Variants in THSD7A observed in about 807,000 individuals in gnomAD.
THSD7A encodes the protein thrombospondin type 1 domain containing 7A.
THSD7A carries 96 observed loss-of-function variants against 231.3 expected under a neutral mutation model. That is an observed-to-expected ratio of 0.41 (90% CI 0.35 to 0.49). The LOEUF (loss-of-function observed/expected upper bound fraction) is 0.49, where lower values mean the gene tolerates loss of function less well. Among genes scored for constraint, THSD7A ranks in the 20% least tolerant of loss-of-function variants. The pLI, the probability that THSD7A is intolerant of heterozygous loss-of-function variation, is 0.05. For synonymous variants in THSD7A, 940 were observed against 743.3 expected, an observed-to-expected ratio of 1.26 and a Z score of -4.30; for missense variants, 2,290 against 2,070.2, an observed-to-expected ratio of 1.11 and a Z score of -2.06.
intron 16 of THSD7A, among the ~76,000 whole-genome samples, chr7:11,423,943 C>G (rs1192666167): frequency 6.6e-6 from 1 of 152,014 alleles, no homozygotes; most frequent in East Asian, 1.9e-4. Flanking sequence ...TATGTGGGGT[C>G]TCTGTTTTAA....
rs565098352 is a variant in THSD7A at position 11,536,365 on chromosome 7, T to C, written c.1822+5054A>G. On this transcript the variant is annotated intron_variant, in intron 6 of 27. Coordinates refer to ENST00000423059, the MANE Select transcript of THSD7A (RefSeq NM_015204.3). ...TTGGATCCCATGTGATCCCTTTCAC[T>C]GGATCTCTGCACCCATCTTTCAGAT... Among the ~76,000 whole-genome samples the C allele has an allele frequency of 3.9e-5, 6 of 152,298 alleles. No individual in the cohort carries two copies. The East Asian group carries it at 1.2e-3, about 29-fold the overall frequency.
At chr7:11,442,721 C>T (rs1784844627) in intron 13 of THSD7A, among the ~76,000 whole-genome samples, 1 of 152,030 alleles carries the variant, frequency 6.6e-6, no homozygotes, top group South Asian at 2.1e-4. Context: ...TTTCTCAAGA[C>T]TTTACTTTGA....
chr7:11,481,196 C>T (rs1786408152), intron 7 of THSD7A, among the ~76,000 whole-genome samples: 1 of 152,080 alleles, frequency 6.6e-6, no homozygotes, highest in East Asian at 1.9e-4. Flanking sequence ...ATGTGACAAA[C>T]ATGCTTTATT....
At chr7:11,419,548 G>A (rs926849948) in intron 16 of THSD7A, among the ~76,000 whole-genome samples, 2 of 152,068 alleles carry the variant, frequency 1.3e-5, no homozygotes, top group Admixed American at 1.3e-4. Flanking sequence ...CCCCATCTCA[G>A]GTAGTTCTTT....
At chr7:11,610,294 A>G (rs1205260915) in intron 2 of THSD7A, among the ~76,000 whole-genome samples, 1 of 152,012 alleles carries the variant, frequency 6.6e-6, no homozygotes, top group East Asian at 1.9e-4. Context: ...CACTCCCCCA[A>G]ATTGGAGCTT....
At chr7:11,554,316 A>C (rs1789753587) in intron 4 of THSD7A, among the ~76,000 whole-genome samples, 2 of 152,098 alleles carry the variant, frequency 1.3e-5, no homozygotes, top group Admixed American at 6.6e-5. Context: ...TACCATGCTT[A>C]ACGAAGACAG....
intron 1 of THSD7A, among the ~76,000 whole-genome samples, chr7:11,671,772 C>T (rs1451850503): frequency 6.6e-6 from 1 of 152,102 alleles, no homozygotes; most frequent in Non-Finnish European, 1.5e-5. Flanking sequence ...TTTCCTCTTA[C>T]AAATGGAAAC....
chr7:11,791,391 A>AC (rs914721763), intron 1 of THSD7A, among the ~76,000 whole-genome samples: 1 of 151,852 alleles, frequency 6.6e-6, no homozygotes, highest in Non-Finnish European at 1.5e-5. Flanking sequence ...TATCCTCCCT[A>AC]CCCCATTACC....
intron 1 of THSD7A, among the ~76,000 whole-genome samples, chr7:11,707,986 G>A (rs1486948000): frequency 6.6e-6 from 1 of 150,680 alleles, no homozygotes; most frequent in Non-Finnish European, 1.5e-5. Flanking sequence ...GTCAGCTGAG[G>A]AACACTAACA....
intron 2 of THSD7A, among the ~76,000 whole-genome samples, chr7:11,626,031 G>A (rs1781464151): frequency 6.6e-6 from 1 of 152,102 alleles, no homozygotes; most frequent in South Asian, 2.1e-4. Context: ...GAAAAGTGAT[G>A]AAAGTGATAT....
chr7:11,527,989 C>T (rs971505714), intron 6 of THSD7A, among the ~76,000 whole-genome samples: 8 of 150,966 alleles, frequency 5.3e-5, no homozygotes, highest in African/African-American at 1.7e-4. Context: ...TTTGTCCCTA[C>T]AAAAAAATAA....
intron 1 of THSD7A, among the ~76,000 whole-genome samples, chr7:11,749,336 A>AC (rs1356252101): frequency 6.6e-6 from 1 of 151,590 alleles, no homozygotes; most frequent in East Asian, 1.9e-4. Context: ...ATTGCTGTGC[A>AC]CCCCCCACAT....
At chr7:11,729,539 T>A (rs1174131345) in intron 1 of THSD7A, among the ~76,000 whole-genome samples, 1 of 151,840 alleles carries the variant, frequency 6.6e-6, no homozygotes, top group Non-Finnish European at 1.5e-5. Context: ...CGATCTATAC[T>A]AAATTCTTAA....
At chr7:11,506,869 G>A (rs534632272) in intron 6 of THSD7A, among the ~76,000 whole-genome samples, 181 of 138,420 alleles carry the variant, frequency 1.3e-3, no homozygotes, top group African/African-American at 4.2e-3. Flanking sequence ...CTCCATCACC[G>A]TACCCCTTTG....
At chr7:11,718,519 G>C (rs777331403) in intron 1 of THSD7A, among the ~76,000 whole-genome samples, 1 of 151,500 alleles carries the variant, frequency 6.6e-6, no homozygotes, top group Non-Finnish European at 1.5e-5. Flanking sequence ...GAACTAGCAG[G>C]TAGTGCATTC....
intron 1 of THSD7A, among the ~76,000 whole-genome samples, chr7:11,730,691 C>A (rs1045247950): frequency 4.0e-5 from 6 of 151,572 alleles, no homozygotes; most frequent in Admixed American, 2.6e-4. Context: ...ATGTTCAGTT[C>A]TTTTATCATT....
chr7:11,624,657 G>T lies in THSD7A; in HGVS notation c.1022+11473C>A, dbSNP rs556892334. On this transcript the variant is annotated intron_variant, in intron 2 of 27. Transcript: ENST00000423059. ...TCTCAAAAACTTTAGTTGTTTTTATGTAAGATTTATCCTTTCATCAATGAT... is the reference window on the plus strand; with the variant it reads ...TCTCAAAAACTTTAGTTGTTTTTATTTAAGATTTATCCTTTCATCAATGAT... Among the ~76,000 whole-genome samples the T allele has an allele frequency of 2.0e-5, 3 of 152,144 alleles. No individual in the cohort carries two copies. The East Asian group carries it at 5.8e-4, about 29-fold the overall frequency.
intron 1 of THSD7A, among the ~76,000 whole-genome samples, chr7:11,829,801 G>GT (rs1324305543): frequency 2.1e-5 from 3 of 144,946 alleles, no homozygotes; most frequent in East Asian, 4.0e-4. Flanking sequence ...TTTCCCTTTG[G>GT]TAAAAAAAAA....
At chr7:11,404,377 T>A (rs1305125252) in intron 22 of THSD7A, among the ~76,000 whole-genome samples, 1 of 152,176 alleles carries the variant, frequency 6.6e-6, no homozygotes, top group African/African-American at 2.4e-5. Flanking sequence ...CTGACAAGGA[T>A]GCCCGTTCTG....
Sources: gnomAD v4.1 joint callset for allele counts (sites outside exome capture counted in the v4.1 genomes callset) on GRCh38, gnomAD v4.1.1 for gene constraint, MANE v1.5 for transcripts, NCBI Gene and HGNC (gene_info 2026-07-23, HGNC 2026-07-21) for gene names.